PPP6R2: variants seen among roughly 807,000 people sequenced by gnomAD.
The protein encoded by PPP6R2 is protein phosphatase 6 regulatory subunit 2.
Under a neutral mutation model 100.2 loss-of-function variants are expected in PPP6R2, and 62 were observed. The ratio of observed to expected loss-of-function variants is 0.62; its 90% CI spans 0.50 to 0.76. The LOEUF (loss-of-function observed/expected upper bound fraction) is 0.76. Among genes scored for constraint, PPP6R2 ranks in the 30% least tolerant of loss-of-function variants. The probability of loss-of-function intolerance (pLI) is 0.00; values close to 1 mark genes in which losing one functional copy is unlikely to be tolerated. For missense variants in PPP6R2, 1,142 were observed against 1,276.3 expected (o/e 0.89, Z 1.60); for synonymous variants, 525 against 514.7 (o/e 1.02, Z -0.27).
chr22:50,440,731 G>C (rs2065388613), intron 21 of PPP6R2, 91 bp from the exon 22 acceptor site: 1 of 1,409,326 alleles, frequency 7.1e-7, no homozygotes, highest in African/African-American at 1.4e-5. Context: ...GCATGTGAGA[G>C]GGCCACATGT....
chr22:50,383,113 C>T (rs779090684), intron 2 of PPP6R2, among the ~76,000 whole-genome samples: 1 of 152,164 alleles, frequency 6.6e-6, no homozygotes, highest in East Asian at 1.9e-4. Context: ...TCTGGGATTA[C>T]AGGCATAAGC....
intron 19 of PPP6R2, among the ~76,000 whole-genome samples, chr22:50,439,363 G>A (rs1362384053): frequency 6.6e-6 from 1 of 152,160 alleles, no homozygotes; most frequent in Non-Finnish European, 1.5e-5. Context: ...GGTGCTCGGT[G>A]AGCTGCCGGC....
chr22:50,419,250 G>A lies in PPP6R2; in HGVS notation c.732-99G>A, dbSNP rs539535582. On this transcript the variant is annotated intron_variant, in intron 7 of 23. Coordinates refer to ENST00000612753, the MANE Select transcript of PPP6R2 (RefSeq NM_001242898.2). The stretch of plus-strand genomic sequence containing the variant: ...TTGCCTTGAGCCTGAGCAGGTTGAG[G>A]GTTTTGCTGGGGTCCTCCACGGGGA... 5.1e-4 allele frequency: 547 copies of A among 1,074,970 alleles called. 1 individual carries two copies. The African/African-American group carries it at 7.7e-3, about 15-fold the overall frequency. The allele number at this position is 1,074,970 out of a possible 1,614,324, so 66.6% of individuals were successfully genotyped here.
At chr22:50,363,093 G>A (rs1159825605) in intron 1 of PPP6R2, among the ~76,000 whole-genome samples, 2 of 152,216 alleles carry the variant, frequency 1.3e-5, no homozygotes, top group East Asian at 3.9e-4. Flanking sequence ...AAGATGTGGG[G>A]ATTTAAAAAA....
intron 2 of PPP6R2, among the ~76,000 whole-genome samples, chr22:50,381,344 TCACACGGGCCCCACCTCAGCAC>T (rs2052943108): frequency 5.7e-5 from 2 of 35,300 alleles, no homozygotes; most frequent in African/African-American, 1.5e-4. Context: ...CACCTCAGCA[TCACACGGGCCCCACCTCAGCAC>T]CACACGGGCC....
At chr22:50,427,751 C>G (rs753568102) in intron 10 of PPP6R2, among the ~76,000 whole-genome samples, 19 of 152,162 alleles carry the variant, frequency 1.2e-4, no homozygotes, top group Non-Finnish European at 2.5e-4. Flanking sequence ...GAGACCGAGT[C>G]TCGCTGTCGC....
At chr22:50,417,001 G>A (rs1252407608) in intron 6 of PPP6R2, among the ~76,000 whole-genome samples, 4 of 151,742 alleles carry the variant, frequency 2.6e-5, no homozygotes, top group Non-Finnish European at 4.4e-5. Flanking sequence ...TGTATCAGTC[G>A]TCTGTGACCG....
chr22:50,343,302 C>T (rs1439990803), upstream of PPP6R2: 1 of 150,216 alleles, frequency 6.7e-6, no homozygotes, highest in Non-Finnish European at 1.5e-5. Context: ...GACCCCGCCC[C>T]CGGAGCGCGT....
rs199797747 is a variant in PPP6R2 at position 50,440,925 on chromosome 22, C to T, written c.2478C>T (p.Gly826=). 2.3e-4 allele frequency: 365 copies of T among 1,613,676 alleles called. 2 individuals are homozygous for T. In the East Asian group the frequency reaches 3.7e-3, roughly 16 times the overall value. ...SSSGGSHSED[G]DQKAASAMDA... Reference sequence around the variant, plus strand: ...CTGGGGGCTCCCACAGCGAGGATGGCGACCAGAAGGCAGCGAGTGCCATGG... The same window carrying T: ...CTGGGGGCTCCCACAGCGAGGATGGTGACCAGAAGGCAGCGAGTGCCATGG... Residue 826 remains glycine, a synonymous_variant, in exon 22 of 24, where the codon GGC becomes GGT. Transcript: ENST00000612753.
chr22:50,364,987 C>T (rs1043830599), intron 1 of PPP6R2, among the ~76,000 whole-genome samples: 1 of 151,078 alleles, frequency 6.6e-6, no homozygotes. Context: ...GAAAAAAAAT[C>T]TTTTATGATT....
chr22:50,388,522 G>A (rs1338686562), intron 2 of PPP6R2, among the ~76,000 whole-genome samples: 3 of 152,056 alleles, frequency 2.0e-5, no homozygotes, highest in African/African-American at 7.2e-5. Flanking sequence ...CTGTGTTCAG[G>A]TCTCTGCACT....
chr22:50,416,214 AC>A, intron 6 of PPP6R2, 57 bp downstream of exon 6: 1 of 1,490,644 alleles, frequency 6.7e-7, no homozygotes. Context: ...CTGCCAGGTC[AC>A]CCACTGCTGC....
intron 19 of PPP6R2, 128 bp downstream of exon 19, chr22:50,438,890 T>A (rs1244739997): frequency 4.0e-6 from 4 of 1,007,848 alleles, no homozygotes; most frequent in Non-Finnish European, 5.7e-6. Context: ...GGAGCCTGAA[T>A]CCCCAGCTAT....
chr22:50,430,839 A>T (rs1158328334), intron 10 of PPP6R2, among the ~76,000 whole-genome samples: 4 of 146,496 alleles, frequency 2.7e-5, no homozygotes, highest in Non-Finnish European at 5.9e-5. Context: ...GTGCCACTGC[A>T]CTCTAGCCTG....
At chr22:50,369,186 C>T (rs187206991) in intron 1 of PPP6R2, among the ~76,000 whole-genome samples, 24 of 151,082 alleles carry the variant, frequency 1.6e-4, no homozygotes, top group African/African-American at 5.1e-4. Flanking sequence ...TGTGGTGAGC[C>T]GAGATCACGC....
At chr22:50,378,980 G>A (rs1269912818) in intron 2 of PPP6R2, among the ~76,000 whole-genome samples, 2 of 152,122 alleles carry the variant, frequency 1.3e-5, no homozygotes, top group African/African-American at 4.8e-5. Context: ...GGGCTTGAGG[G>A]AGTCTGTTAG....
chr22:50,389,236 C>T (rs1383206545), intron 2 of PPP6R2: 1 of 152,162 alleles, frequency 6.6e-6, no homozygotes, highest in East Asian at 1.9e-4. Context: ...CCAGAAATTC[C>T]TTAAACCAAC....
chr22:50,409,232 G>C (rs1262053997), intron 4 of PPP6R2, among the ~76,000 whole-genome samples: 1 of 152,118 alleles, frequency 6.6e-6, no homozygotes, highest in Non-Finnish European at 1.5e-5. Context: ...TGAAATGACC[G>C]TCCGCATTTT....
chr22:50,436,043 C>T (rs2064182515), intron 13 of PPP6R2, among the ~76,000 whole-genome samples: 1 of 152,330 alleles, frequency 6.6e-6, no homozygotes, highest in Middle Eastern at 3.4e-3. Flanking sequence ...TTCTGCGTTT[C>T]TGGGAGTTCC....
Sources: gnomAD v4.1 joint callset for allele counts (sites outside exome capture counted in the v4.1 genomes callset) on GRCh38, gnomAD v4.1.1 for gene constraint, MANE v1.5 for transcripts, NCBI Gene and HGNC (gene_info 2026-07-23, HGNC 2026-07-21) for gene names.